Variants in TINAG observed in about 807,000 individuals in gnomAD.
TINAG encodes tubulointerstitial nephritis antigen.
In TINAG, 83 loss-of-function variants were observed where a neutral mutation model predicts 72.7. The observed-to-expected ratio is 1.14, with a 90% confidence interval of 0.96 to 1.37. The LOEUF is 1.37. Ranked by LOEUF, TINAG falls within the 40% of genes most tolerant of loss-of-function variation. TINAG has a pLI of 0.00. For missense variants in TINAG, 685 were observed against 576.6 expected (o/e 1.19, Z -1.93); for synonymous variants, 234 against 189.9 (o/e 1.23, Z -1.91).
At chr6:54,323,488 T>C (rs570080318) in intron 3 of TINAG, among the ~76,000 whole-genome samples, 2 of 152,364 alleles carry the variant, frequency 1.3e-5, no homozygotes, top group Non-Finnish European at 2.9e-5. Flanking sequence ...AAATATGCAA[T>C]CTTTGGTTTA....
At chr6:54,355,733 G>A (rs1268325756) in intron 9 of TINAG, among the ~76,000 whole-genome samples, 2 of 151,396 alleles carry the variant, frequency 1.3e-5, no homozygotes, top group African/African-American at 4.8e-5. Context: ...GTGTGTGTGT[G>A]TGTGTGTGTG....
chr6:54,350,749 G>C (rs1688810510), intron 7 of TINAG, among the ~76,000 whole-genome samples: 1 of 149,712 alleles, frequency 6.7e-6, no homozygotes, highest in East Asian at 2.0e-4. Context: ...TTCCTTTTTT[G>C]TTTGCAAACG....
intron 5 of TINAG, among the ~76,000 whole-genome samples, chr6:54,346,959 T>G (rs777328894): frequency 5.3e-5 from 8 of 152,126 alleles, no homozygotes; most frequent in Admixed American, 6.6e-5. Context: ...TTAGTTAAAT[T>G]CATTTAGAAA....
intron 6 of TINAG, among the ~76,000 whole-genome samples, chr6:54,349,321 G>A (rs1397100673): frequency 1.3e-5 from 2 of 151,842 alleles, no homozygotes; most frequent in Non-Finnish European, 2.9e-5. Flanking sequence ...GAAATAGTCA[G>A]ATTCATTGTC....
chr6:54,359,233 C>G (rs1021442495), intron 9 of TINAG, among the ~76,000 whole-genome samples: 8 of 151,776 alleles, frequency 5.3e-5, no homozygotes, highest in Non-Finnish European at 8.8e-5. Context: ...ACTGGAAATT[C>G]AGCTCTACCT....
rs570256472 is a variant in TINAG at position 54,334,434 on chromosome 6, G to A, written c.624+7518G>A. Among the ~76,000 whole-genome samples the A allele has an allele frequency of 9.4e-5, 14 of 149,490 alleles. No homozygotes were observed. In the East Asian group the frequency reaches 2.9e-3, roughly 30 times the overall value. On this transcript the variant is annotated intron_variant, in intron 4 of 10. Coordinates refer to ENST00000259782, the MANE Select transcript of TINAG (RefSeq NM_014464.4). ...TATTGTTCCAATTCAAATTCCAGTA[G>A]CAGGGCCTTCTAAATTATAACTAGT...
chr6:54,327,332 C>A, intron 4 of TINAG: 1 of 656,956 alleles, frequency 1.5e-6, no homozygotes, highest in Non-Finnish European at 2.2e-6. Context: ...TGTCACCTCA[C>A]CCAGGAAGAG....
chr6:54,327,343 C>A, intron 4 of TINAG: 2 of 574,302 alleles, frequency 3.5e-6, no homozygotes, highest in Non-Finnish European at 5.2e-6. Flanking sequence ...CCAGGAAGAG[C>A]AAGGAGGCTG....
intron 1 of TINAG, among the ~76,000 whole-genome samples, chr6:54,319,130 A>G (rs1784435434): frequency 6.6e-6 from 1 of 152,072 alleles, no homozygotes; most frequent in East Asian, 1.9e-4. Context: ...TGGAATTCAT[A>G]TGTTGAACAC....
At chr6:54,329,522 A>G (rs905058907) in intron 4 of TINAG, among the ~76,000 whole-genome samples, 6 of 152,186 alleles carry the variant, frequency 3.9e-5, no homozygotes, top group Non-Finnish European at 8.8e-5. Context: ...GCAAAAACAT[A>G]TCAAAATTTA....
intron 9 of TINAG, among the ~76,000 whole-genome samples, chr6:54,372,771 T>C (rs3996978): frequency 0.3 from 42,530 of 140,060 alleles, 7,159 homozygotes; most frequent in African/African-American, 0.45. Context: ...TATATATATA[T>C]ACACACACAC....
At chr6:54,356,048 G>T (rs1019614270) in intron 9 of TINAG, among the ~76,000 whole-genome samples, 1 of 151,772 alleles carries the variant, frequency 6.6e-6, no homozygotes, top group African/African-American at 2.4e-5. Flanking sequence ...TTTTAATAGG[G>T]TTATAAAACT....
chr6:54,333,459 G>A (rs1352843672), intron 4 of TINAG, among the ~76,000 whole-genome samples: 1 of 151,676 alleles, frequency 6.6e-6, no homozygotes, highest in East Asian at 1.9e-4. Context: ...ATGCACTGGG[G>A]CCTGTCGGGG....
At chr6:54,384,004 C>A (rs1764024414) in intron 10 of TINAG, among the ~76,000 whole-genome samples, 1 of 152,102 alleles carries the variant, frequency 6.6e-6, no homozygotes, top group Non-Finnish European at 1.5e-5. Flanking sequence ...ACATATACAC[C>A]ATAGAATACT....
At chr6:54,340,971 C>T (rs1784983502) in intron 4 of TINAG, among the ~76,000 whole-genome samples, 1 of 152,038 alleles carries the variant, frequency 6.6e-6, no homozygotes, top group Non-Finnish European at 1.5e-5. Flanking sequence ...CTCCCATATG[C>T]AAAGTACTCT....
chr6:54,328,553 A>G (rs1389338500), intron 4 of TINAG, among the ~76,000 whole-genome samples: 1 of 152,062 alleles, frequency 6.6e-6, no homozygotes, highest in Non-Finnish European at 1.5e-5. Flanking sequence ...AAAAACCAGA[A>G]TGCCTCTTCT....
rs1374578172 is a variant in TINAG, at chr6:54,325,163, G to T, written c.510-1639G>T. Among the ~76,000 whole-genome samples the T allele has an allele frequency of 7.2e-5, 11 of 152,312 alleles. No individual in the cohort carries two copies. The East Asian group carries it at 1.9e-3, about 27-fold the overall frequency. ...AGATAGAGAACTAAATTTGCTTTAT[G>T]TAAAAAATTTGCCAACTCCTTCAGT... On this transcript the variant is annotated intron_variant, in intron 3 of 10. Coordinates refer to ENST00000259782, the MANE Select transcript of TINAG (RefSeq NM_014464.4).
intron 1 of TINAG, among the ~76,000 whole-genome samples, chr6:54,319,821 C>T (rs1185334093): frequency 6.6e-6 from 1 of 152,076 alleles, no homozygotes; most frequent in East Asian, 1.9e-4. Context: ...AAAGTTGAGT[C>T]CCTTTTGCTA....
Position 54,321,360 on chromosome 6 carries a change from T to C in TINAG, c.483T>C (p.Ile161=). ...QHVCLVRSEL[I]EQVNKGDYGW... ...TATGCCTTGTTCGTTCAGAATTAAT[T>C]GAACAGGTCAATAAAGGAGACTATG... is the stretch of plus-strand genomic sequence containing the variant. The change falls in exon 3 of 11, where the codon ATT becomes ATC. Residue 161 remains isoleucine, a synonymous_variant. Coordinates refer to ENST00000259782, the MANE Select transcript of TINAG (RefSeq NM_014464.4). The C allele has an allele frequency of 6.2e-7, 1 of 1,613,420 alleles. No individual in the cohort carries two copies. The highest frequency in any genetic ancestry group is 8.5e-7 in the Non-Finnish European group (1 of 1,179,492).
Sources: gnomAD v4.1 joint callset for allele counts (sites outside exome capture counted in the v4.1 genomes callset) on GRCh38, gnomAD v4.1.1 for gene constraint, MANE v1.5 for transcripts, NCBI Gene and HGNC (gene_info 2026-07-23, HGNC 2026-07-21) for gene names.